The following SMG6 variants were observed in gnomAD, a reference collection of about 807,000 sequenced individuals.
SMG6 encodes the protein SMG6 nonsense mediated mRNA decay factor, also known as telomerase-binding protein EST1A.
In SMG6, 66 loss-of-function variants were observed where a neutral mutation model predicts 142.2. The ratio of observed to expected loss-of-function variants is 0.46; its 90% CI spans 0.38 to 0.57. The LOEUF (loss-of-function observed/expected upper bound fraction) is 0.57. Ranked by LOEUF, SMG6 falls within the 20% of genes least tolerant of loss-of-function variation. The pLI is 0.00. For missense variants in SMG6, 1,793 were observed against 1,832.0 expected, an observed-to-expected ratio of 0.98 and a Z score of 0.39; for synonymous variants, 779 against 702.4, an observed-to-expected ratio of 1.11 and a Z score of -1.72.
chr17:2,291,049 T>C (rs779437922), intron 6 of SMG6, among the ~76,000 whole-genome samples: 7 of 152,068 alleles, frequency 4.6e-5, no homozygotes, highest in African/African-American at 1.4e-4. Flanking sequence ...TTCTGACACA[T>C]GGCCAGGTGC....
At chr17:2,160,995 T>C (rs1475589667) in intron 13 of SMG6, among the ~76,000 whole-genome samples, 1 of 152,074 alleles carries the variant, frequency 6.6e-6, no homozygotes, top group Non-Finnish European at 1.5e-5. Flanking sequence ...ATTCTCCTCT[T>C]AACCAATTTT....
At chr17:2,286,307 C>CAA (rs74656326) in intron 6 of SMG6, among the ~76,000 whole-genome samples, 159 of 89,302 alleles carry the variant, frequency 1.8e-3, no homozygotes, top group African/African-American at 6.0e-3. Context: ...CTCAAATGGC[C>CAA]AAAAAAAAAA....
At chr17:2,130,344 G>C (rs552669796) in intron 13 of SMG6, among the ~76,000 whole-genome samples, 1 of 149,582 alleles carries the variant, frequency 6.7e-6, no homozygotes, top group Admixed American at 6.7e-5. Context: ...ACTTAAATTA[G>C]TAACAAAATC....
rs1441385278 is a variant in SMG6 at position 2,267,718 on chromosome 17, CTTAT to C, written c.2661+14925_2661+14928del. Among the ~76,000 whole-genome samples the C allele has an allele frequency of 3.3e-5, 5 of 150,252 alleles. No individual in the cohort carries two copies. In the South Asian group the frequency reaches 1.1e-3, roughly 32 times the overall value. On this transcript the variant is annotated intron_variant, in intron 8 of 18. Transcript: ENST00000263073. ...AAAGCTTTCTTTTTTAATGTATTTA[CTTAT>C]TTATGTATTTTTAATTATTTTTATT...
intron 12 of SMG6, among the ~76,000 whole-genome samples, chr17:2,178,472 C>A (rs1345959643): frequency 6.6e-6 from 1 of 152,180 alleles, no homozygotes; most frequent in Non-Finnish European, 1.5e-5. Context: ...AGAGTACTCA[C>A]CCTAAATCAA....
chr17:2,203,101 G>C (rs541015809), intron 10 of SMG6, among the ~76,000 whole-genome samples: 1 of 152,258 alleles, frequency 6.6e-6, no homozygotes, highest in East Asian at 1.9e-4. Flanking sequence ...TTCTAAATGG[G>C]TGCTTCCCTT....
At chr17:2,267,574 G>A (rs2074448928) in intron 8 of SMG6, among the ~76,000 whole-genome samples, 1 of 151,966 alleles carries the variant, frequency 6.6e-6, no homozygotes, top group African/African-American at 2.4e-5. Context: ...ATAATTATGA[G>A]ACAATGAAAT....
intron 13 of SMG6, among the ~76,000 whole-genome samples, chr17:2,144,413 C>T (rs537043546): frequency 7.2e-5 from 11 of 152,136 alleles, no homozygotes; most frequent in African/African-American, 2.4e-4. Flanking sequence ...CATCATGTTT[C>T]CCGGGCGGGT....
chr17:2,159,732 T>A (rs192172418), intron 13 of SMG6, among the ~76,000 whole-genome samples: 36 of 152,264 alleles, frequency 2.4e-4, no homozygotes, highest in Admixed American at 2.4e-3. Context: ...ATGTTCACAG[T>A]ATCTTTTTCA....
chr17:2,292,526 T>G, intron 6 of SMG6, 26 bp downstream of exon 6: 1 of 1,610,536 alleles, frequency 6.2e-7, no homozygotes. Flanking sequence ...GCAAAGCACT[T>G]TTCCCCTGTC....
chr17:2,267,328 C>A (rs532750765), intron 8 of SMG6, among the ~76,000 whole-genome samples: 1 of 151,800 alleles, frequency 6.6e-6, no homozygotes, highest in Non-Finnish European at 1.5e-5. Context: ...CTCAGGCTCC[C>A]GAGTAACTAG....
intron 13 of SMG6, among the ~76,000 whole-genome samples, chr17:2,158,618 G>C (rs1245506520): frequency 6.6e-6 from 1 of 152,142 alleles, no homozygotes; most frequent in African/African-American, 2.4e-5. Flanking sequence ...CTACTGTGTA[G>C]TCAAAATTCC....
chr17:2,154,611 C>T (rs1189282244), intron 13 of SMG6, among the ~76,000 whole-genome samples: 2 of 152,106 alleles, frequency 1.3e-5, no homozygotes, highest in Admixed American at 6.5e-5. Flanking sequence ...TCCAAAAGAG[C>T]AAAGTGTATA....
chr17:2,136,666 T>C (rs1293181375), intron 13 of SMG6, among the ~76,000 whole-genome samples: 5 of 151,558 alleles, frequency 3.3e-5, no homozygotes, highest in East Asian at 1.9e-4. Flanking sequence ...GCTGGATTCA[T>C]GGAATTCACC....
intron 8 of SMG6, among the ~76,000 whole-genome samples, chr17:2,249,137 C>T (rs1185648173): frequency 6.6e-6 from 1 of 152,034 alleles, no homozygotes; most frequent in Non-Finnish European, 1.5e-5. Context: ...TTGTGATCCG[C>T]CCGCCTTGGC....
chr17:2,226,311 G>A (rs573443656), intron 10 of SMG6, among the ~76,000 whole-genome samples: 11 of 151,170 alleles, frequency 7.3e-5, no homozygotes, highest in South Asian at 4.2e-4. Context: ...AGAGCCGGGC[G>A]TAGTGGCTCC....
rs186725267 is a variant in SMG6 at position 2,217,382 on chromosome 17, T to C, written c.2869+19110A>G. Among the ~76,000 whole-genome samples the C allele has an allele frequency of 5.1e-3, 782 of 151,942 alleles. 19 individuals carry two copies. The highest frequency in any genetic ancestry group is 0.044 in the Admixed American group (674 of 15,268). On this transcript the variant is annotated intron_variant, in intron 10 of 18. Coordinates refer to ENST00000263073, the MANE Select transcript of SMG6 (RefSeq NM_017575.5). ...ATCCATCAGTCTATTAAAATTAATATATGTATAATATATATTATTTTACCA... is the reference window on the plus strand; with the variant it reads ...ATCCATCAGTCTATTAAAATTAATACATGTATAATATATATTATTTTACCA...
chr17:2,248,847 G>A (rs1321821252), intron 8 of SMG6, among the ~76,000 whole-genome samples: 1 of 151,834 alleles, frequency 6.6e-6, no homozygotes, highest in African/African-American at 2.4e-5. Flanking sequence ...ATTTACAAGA[G>A]ACAATATGAA....
chr17:2,158,349 A>T (rs943177857), intron 13 of SMG6, among the ~76,000 whole-genome samples: 6 of 152,180 alleles, frequency 3.9e-5, no homozygotes, highest in Admixed American at 3.9e-4. Flanking sequence ...TGCATGAGCC[A>T]AAAAAGAAAA....
Sources: gnomAD v4.1 joint callset for allele counts (sites outside exome capture counted in the v4.1 genomes callset) on GRCh38, gnomAD v4.1.1 for gene constraint, MANE v1.5 for transcripts, NCBI Gene and HGNC (gene_info 2026-07-23, HGNC 2026-07-21) for gene names.